SPOCD1: variants seen among roughly 807,000 people sequenced by gnomAD.
SPOCD1 encodes the protein SPOC domain containing 1.
SPOCD1 carries 64 observed loss-of-function variants against 92.2 expected under a neutral mutation model. The ratio of observed to expected loss-of-function variants is 0.69; its 90% CI spans 0.57 to 0.86. SPOCD1 has a LOEUF of 0.86. Ranked by LOEUF, SPOCD1 falls within the 40% of genes least tolerant of loss-of-function variation. SPOCD1 has a pLI of 0.00. For synonymous variants in SPOCD1, 578 were observed against 619.3 expected (o/e 0.93, Z 0.99); for missense variants, 1,360 against 1,543.1 (o/e 0.88, Z 1.99).
At position 31,794,395 on chromosome 1, in the gene SPOCD1, C is replaced by A. The variant is rs376863864; in HGVS notation, c.2272-160G>T. The A allele has an allele frequency of 1.5e-5, 7 of 480,160 alleles. No individual in the cohort carries two copies. In the Admixed American group the frequency reaches 2.6e-4, roughly 18 times the overall value. The allele number at this position is 480,160 out of a possible 1,614,324, so 29.7% of individuals were successfully genotyped here. A position where few individuals can be genotyped will look rare whatever the true frequency, so the allele number is the denominator to read the frequency against. ...ACTCATAAAGAAAATTTGGAAAACACCAAAACTTGAAAATTAAAAAGAAAA... is the reference window on the plus strand; with the variant it reads ...ACTCATAAAGAAAATTTGGAAAACAACAAAACTTGAAAATTAAAAAGAAAA... On this transcript the variant is annotated intron_variant, in intron 10 of 15. Coordinates refer to ENST00000360482, the MANE Select transcript of SPOCD1 (RefSeq NM_144569.7).
intron 2 of SPOCD1, among the ~76,000 whole-genome samples, chr1:31,813,431 A>ATT (rs1344168440): frequency 6.7e-6 from 1 of 148,730 alleles, no homozygotes; most frequent in Non-Finnish European, 1.5e-5. Context: ...TGCCCAGCTA[A>ATT]TTTTTGTATT....
chr1:31,815,861 G>C (rs1649532222), intron 1 of SPOCD1, 100 bp downstream of exon 1: 2 of 116,254 alleles, frequency 1.7e-5, no homozygotes, highest in Non-Finnish European at 3.8e-5. Context: ...TCTCCCATCG[G>C]TCCCGTTCTG....
chr1:31,814,744 G>A lies in SPOCD1; in HGVS notation c.590C>T (p.Ser197Leu), dbSNP rs1194918354. Residue 197 changes from serine to leucine, a missense_variant, in exon 2 of 16, where the codon TCA becomes TTA. Physicochemically the swap from Ser to Leu is moderately radical, Grantham distance 145. This residue lies in a region of SPOCD1 where 606 missense variants were observed against 601.5 expected (regional missense o/e 1.01). Coordinates refer to ENST00000360482, the MANE Select transcript of SPOCD1 (RefSeq NM_144569.7). The surrounding 1 kb of genome is among the most constrained non-coding windows in gnomAD (Gnocchi z 4.2). Reference sequence around the variant, plus strand: ...TACCCTCACAGGGACTGGGTCTGGTGAGGATGTCAGGGGCCTTCCAGGGGG... The same window carrying A: ...TACCCTCACAGGGACTGGGTCTGGTAAGGATGTCAGGGGCCTTCCAGGGGG... ...EEPPGRPLTSSPDPVPVRVRK... is the reference protein window; with the variant it reads ...EEPPGRPLTSLPDPVPVRVRK... The A allele has an allele frequency of 1.2e-6, 2 of 1,613,586 alleles. No individual in the cohort carries two copies. Among genetic ancestry groups the A allele is most frequent in the Admixed American group, 1.7e-5 (1 of 59,922 alleles).
Position 31,794,105 on chromosome 1 carries a change from C to T in SPOCD1, c.2383+19G>A. The T allele has an allele frequency of 1.9e-6, 3 of 1,610,252 alleles. No individual in the cohort carries two copies. The highest frequency in any genetic ancestry group is 2.5e-6 in the Non-Finnish European group (3 of 1,177,046). On this transcript the variant is annotated intron_variant, in intron 11 of 15. Transcript: ENST00000360482. ...CAGCCTGGCTGCCACCCCTGCACCCCTCCCGTGTCCCCTCCCACCCTTGCA... is the reference window on the plus strand; with the variant it reads ...CAGCCTGGCTGCCACCCCTGCACCCTTCCCGTGTCCCCTCCCACCCTTGCA...
At chr1:31,796,281 A>C in intron 10 of SPOCD1, 1 of 451,356 alleles carries the variant, frequency 2.2e-6, no homozygotes, top group South Asian at 2.0e-5. Flanking sequence ...TTCCCAGCAG[A>C]GATCTGGGCA....
At chr1:31,801,764 G>C in intron 2 of SPOCD1, 59 bp from the exon 3 acceptor site, 2 of 1,377,178 alleles carry the variant, frequency 1.5e-6, no homozygotes, top group Non-Finnish European at 2.1e-6. Flanking sequence ...CCCCATGGCA[G>C]GGAATTCACA....
Position 31,791,089 on chromosome 1 carries a change from C to T in SPOCD1, c.3165G>A (p.Pro1055=), listed in dbSNP as rs141302440. The T allele has an allele frequency of 3.7e-6, 6 of 1,612,842 alleles. No individual in the cohort carries two copies. The African/African-American group carries it at 6.7e-5, about 18-fold the overall frequency. Reference sequence around the variant, plus strand: ...GAGGGGTGCCCTTCAGGGGCACATTCGGCCTCCTGTCATCTGGCTGATAGT... The same window carrying T: ...GAGGGGTGCCCTTCAGGGGCACATTTGGCCTCCTGTCATCTGGCTGATAGT... ...KRYYQPDDRR[P]NVPLKGTPPP... Residue 1055 remains proline, a synonymous_variant, in exon 16 of 16, where the codon CCG becomes CCA. Coordinates refer to ENST00000360482, the MANE Select transcript of SPOCD1 (RefSeq NM_144569.7).
Position 31,814,852 on chromosome 1 carries a change from C to G in SPOCD1, c.482G>C (p.Cys161Ser). Residue 161 changes from cysteine (C) to serine (S), a missense_variant, in exon 2 of 16, where the codon TGC (cysteine) becomes TCC (serine). Around this residue, in one of 3 missense-constraint regions of SPOCD1, gnomAD observed 606 missense variants for 601.5 expected, o/e 1.01. Transcript: ENST00000360482. This position sits in a 1 kb window ranked among gnomAD's most constrained non-coding sequence, Gnocchi z 4.2. ...ERLAGVEEVS[C>S]LRPREARDGG... ...GTCTCTGGCCTCCCTGGGCCTGAGG[C>G]AGCTCACCTCCTCCACTCCTGCAAG... 1 of 1,613,230 alleles carries G rather than the reference C, an allele frequency of 6.2e-7. No homozygotes were observed. The highest frequency in any genetic ancestry group is 1.1e-5 in the South Asian group (1 of 91,048).
intron 2 of SPOCD1, among the ~76,000 whole-genome samples, chr1:31,812,880 A>C (rs1339300959): frequency 2.0e-5 from 3 of 152,254 alleles, no homozygotes; most frequent in African/African-American, 7.2e-5. Flanking sequence ...CGTCGTGTGA[A>C]GATTAAATCA....
In SPOCD1 at chr1:31,792,414, G is replaced by A; in HGVS notation, c.2776-13C>T. On this transcript the variant is annotated splice_polypyrimidine_tract_variant and intron_variant, in intron 14 of 15. Coordinates refer to ENST00000360482, the MANE Select transcript of SPOCD1 (RefSeq NM_144569.7). ...CCACGCAGACGTCCTGCGGTGGCAG[G>A]AGGAGAGCAGCTGTAAGCGCAGTCA... The A allele has an allele frequency of 2.5e-6, 4 of 1,611,764 alleles. No homozygotes were observed. Among genetic ancestry groups the A allele is most frequent in the Non-Finnish European group, 3.4e-6 (4 of 1,179,292 alleles).
intron 12 of SPOCD1, 101 bp downstream of exon 12, chr1:31,793,646 A>C (rs1375573140): frequency 1.3e-6 from 2 of 1,597,924 alleles, no homozygotes; most frequent in Non-Finnish European, 1.7e-6. Flanking sequence ...AGACTTGCCC[A>C]AGGCCACACA....
chr1:31,791,191 T>C lies in SPOCD1; in HGVS notation c.3063A>G (p.Pro1021=), dbSNP rs1174177703. The C allele has an allele frequency of 2.5e-6, 4 of 1,611,066 alleles. No homozygotes were observed. Among genetic ancestry groups the C allele is most frequent in the Non-Finnish European group, 2.5e-6 (3 of 1,178,394 alleles). The part of the protein sequence containing the change: ...LAVLLPKEGL[P]DTAGSSPWLG... Reference sequence around the variant, plus strand: ...ACCAGGGGCTGGACCCTGCTGTGTCTGGAAGCCCTTCCTTGGGGAGCAGCA... The same window carrying C: ...ACCAGGGGCTGGACCCTGCTGTGTCCGGAAGCCCTTCCTTGGGGAGCAGCA... The change falls in exon 16 of 16, where the codon CCA becomes CCG. Residue 1021 remains proline (P), a synonymous_variant. Transcript: ENST00000360482.
Position 31,815,647 on chromosome 1 carries a change from A to T in SPOCD1, c.-39-275T>A, listed in dbSNP as rs1175683878. ...CACACATTCGCTTAAATGGGACCTA[A>T]TAAGATACCATTTATTTATGACTTA... On this transcript the variant is annotated intron_variant, in intron 1 of 15. Coordinates refer to ENST00000360482, the MANE Select transcript of SPOCD1 (RefSeq NM_144569.7). 2.2e-5 allele frequency: 6 copies of T among 278,506 alleles called. No homozygotes were observed. In the East Asian group the frequency reaches 2.5e-4, roughly 12 times the overall value. 17.3% of individuals were successfully genotyped at this position (278,506 alleles called of 1,614,324 possible). A position where few individuals can be genotyped will look rare whatever the true frequency, so the allele number is the denominator to read the frequency against.
chr1:31,804,344 CCAGA>C, intron 2 of SPOCD1, among the ~76,000 whole-genome samples: 1 of 152,266 alleles, frequency 6.6e-6, no homozygotes, highest in Non-Finnish European at 1.5e-5. Context: ...GGATTTAAAT[CCAGA>C]CAGTCTGATT....
In SPOCD1 at chr1:31,791,209, G is replaced by A. The variant is rs1355892533; in HGVS notation, c.3045C>T (p.Leu1015=). The A allele has an allele frequency of 1.6e-5, 26 of 1,607,366 alleles. No individual in the cohort carries two copies. The highest frequency in any genetic ancestry group is 2.2e-5 in the Non-Finnish European group (26 of 1,176,290). Residue 1015 remains leucine (L), a synonymous_variant, in exon 16 of 16, where the codon CTC becomes CTT. Transcript: ENST00000360482. Reference sequence around the variant, plus strand: ...CTGTGTCTGGAAGCCCTTCCTTGGGGAGCAGCACAGCCAGCAACAGACTTG... The same window carrying A: ...CTGTGTCTGGAAGCCCTTCCTTGGGAAGCAGCACAGCCAGCAACAGACTTG... ...THSSLLLAVL[L]PKEGLPDTAG... is the part of the protein sequence containing the mutation.
chr1:31,808,768 A>C (rs1649008159), intron 2 of SPOCD1, among the ~76,000 whole-genome samples: 1 of 152,232 alleles, frequency 6.6e-6, no homozygotes, highest in African/African-American at 2.4e-5. Flanking sequence ...ATTTGTCTAC[A>C]TAGAAAACAA....
rs1207433481 is a variant in SPOCD1, at chr1:31,804,985, C to CTTTTTTTTTTTTTTTTTTTT, written c.1384-3281_1384-3280insAAAAAAAAAAAAAAAAAAAA. On this transcript the variant is annotated intron_variant, in intron 2 of 15. Coordinates refer to ENST00000360482, the MANE Select transcript of SPOCD1 (RefSeq NM_144569.7). Reference sequence around the variant, plus strand: ...AAATTTCTTTTTTCTTTCTTTCTTTCTTTTTTTTTTTTTTGAGATGGAGTC... The same window carrying CTTTTTTTTTTTTTTTTTTTT: ...AAATTTCTTTTTTCTTTCTTTCTTTCTTTTTTTTTTTTTTTTTTTTTTTTTTTTTTTTTTGAGATGGAGTC... 6.2e-4 allele frequency among the ~76,000 whole-genome samples: 66 copies of CTTTTTTTTTTTTTTTTTTTT among 105,890 alleles called. 1 individual carries two copies. The highest frequency in any genetic ancestry group is 9.7e-4 in the African/African-American group (27 of 27,910). The allele number at this position is 105,890 out of a possible 152,430, so 69.5% of individuals were successfully genotyped here.
chr1:31,800,713 C>A (rs1648404858), intron 3 of SPOCD1, 96 bp from the exon 4 acceptor site: 1 of 1,091,350 alleles, frequency 9.2e-7, no homozygotes, highest in South Asian at 1.6e-5. Flanking sequence ...ACATCTCTCT[C>A]CCACTGGAGT....
intron 2 of SPOCD1, among the ~76,000 whole-genome samples, chr1:31,810,302 C>T (rs1261382154): frequency 6.6e-6 from 1 of 151,920 alleles, no homozygotes; most frequent in Non-Finnish European, 1.5e-5. Flanking sequence ...AGTCACTTAA[C>T]TTCTCGGAAG....
Sources: allele counts gnomAD v4.1 joint callset (sites outside exome capture counted in the v4.1 genomes callset), GRCh38; gene constraint gnomAD v4.1.1; regional missense constraint gnomAD v4.1.1; non-coding constraint Gnocchi (gnomAD v3.1); transcripts MANE v1.5; gene names NCBI Gene and HGNC (gene_info 2026-07-23, HGNC 2026-07-21).